The following BMPR1B variants were observed in gnomAD, a reference collection of about 807,000 sequenced individuals.
The protein encoded by BMPR1B is bone morphogenetic protein receptor type 1B.
A neutral mutation model predicts 59.1 loss-of-function variants in BMPR1B; 12 were observed. The observed-to-expected ratio is 0.20, with a 90% CI of 0.13 to 0.33. The LOEUF is 0.33. Ranked by LOEUF, BMPR1B falls within the 10% of genes least tolerant of loss-of-function variation. BMPR1B has a pLI of 1.00. For synonymous variants in BMPR1B, 237 were observed against 207.3 expected (o/e 1.14, Z -1.23); for missense variants, 550 against 610.9 (o/e 0.90, Z 1.05).
chr4:94,882,004 TA>T (rs1000398376), intron 2 of BMPR1B, among the ~76,000 whole-genome samples: 1 of 152,184 alleles, frequency 6.6e-6, no homozygotes, highest in African/African-American at 2.4e-5. Flanking sequence ...TTCTCATCTC[TA>T]AAAGATTGTG....
intron 4 of BMPR1B, among the ~76,000 whole-genome samples, chr4:95,112,803 A>T (rs1483231804): frequency 6.6e-6 from 1 of 152,078 alleles, no homozygotes; most frequent in African/African-American, 2.4e-5. Context: ...GTAACTTGAC[A>T]ATAGCTTTAC....
intron 3 of BMPR1B, among the ~76,000 whole-genome samples, chr4:95,065,142 A>G (rs7690400): frequency 0.29 from 43,482 of 152,124 alleles, 6,780 homozygotes; most frequent in South Asian, 0.4. Context: ...TTGTATATCT[A>G]TATAATAGAA....
chr4:95,142,582 C>T lies in BMPR1B; in HGVS notation c.1077-6166C>T, dbSNP rs189185731. 4.6e-3 allele frequency among the ~76,000 whole-genome samples: 697 copies of T among 152,106 alleles called. 2 individuals carry two copies. Among genetic ancestry groups the T allele is most frequent in the Non-Finnish European group, 8.1e-3 (553 of 68,012 alleles). ...GTTTTTTTACCTTCCTACTTCCTCT[C>T]TTTCCCTTTCCTCTCTTTCTTTTAG... On this transcript the variant is annotated intron_variant, in intron 10 of 12. Coordinates refer to ENST00000515059, the MANE Select transcript of BMPR1B (RefSeq NM_001203.3).
chr4:95,148,653 T>C (rs2149325626), intron 10 of BMPR1B, 95 bp from the exon 11 acceptor site: 1 of 1,314,406 alleles, frequency 7.6e-7, no homozygotes, highest in Non-Finnish European at 1.1e-6. Context: ...TCTTTTCCAC[T>C]TTTCACTAAC....
chr4:94,933,052 T>C (rs1729155566), intron 2 of BMPR1B, among the ~76,000 whole-genome samples: 1 of 152,132 alleles, frequency 6.6e-6, no homozygotes, highest in South Asian at 2.1e-4. Context: ...GCATCTGGTG[T>C]ATCTTTCTTT....
intron 3 of BMPR1B, among the ~76,000 whole-genome samples, chr4:95,004,402 T>C (rs1390777191): frequency 6.6e-6 from 1 of 152,196 alleles, no homozygotes; most frequent in Non-Finnish European, 1.5e-5. Flanking sequence ...AATTACACCT[T>C]ATAGTTGATA....
intron 3 of BMPR1B, chr4:95,051,859 C>G: frequency 7.4e-7 from 1 of 1,350,280 alleles, no homozygotes; most frequent in Non-Finnish European, 1.0e-6. Flanking sequence ...AGGGAAAGTT[C>G]AGGCCAGAAG....
At chr4:94,907,506 G>A (rs556940696) in intron 2 of BMPR1B, among the ~76,000 whole-genome samples, 1 of 151,988 alleles carries the variant, frequency 6.6e-6, no homozygotes, top group African/African-American at 2.4e-5. Flanking sequence ...GGTCCTTTCT[G>A]TCTGTCCAAA....
At chr4:95,116,421 G>GCGCGCGCGCGCGCGCGCGCGCA in intron 6 of BMPR1B, among the ~76,000 whole-genome samples, 1 of 123,198 alleles carries the variant, frequency 8.1e-6, no homozygotes. Flanking sequence ...TTCAGCGCGC[G>GCGCGCGCGCGCGCGCGCGCGCA]CACACACACA....
At chr4:95,081,957 TTTA>T (rs1033522255) in intron 3 of BMPR1B, among the ~76,000 whole-genome samples, 7 of 152,050 alleles carry the variant, frequency 4.6e-5, no homozygotes, top group Non-Finnish European at 8.8e-5. Context: ...ATATAATGGG[TTTA>T]TTATTTTTTA....
intron 2 of BMPR1B, among the ~76,000 whole-genome samples, chr4:94,908,756 G>T (rs10213566): frequency 0.12 from 18,738 of 151,972 alleles, 2,619 homozygotes; most frequent in African/African-American, 0.34. Context: ...AGCATTCACC[G>T]AAGTCAGATA....
At chr4:94,993,992 A>C (rs187967842) in intron 2 of BMPR1B, among the ~76,000 whole-genome samples, 1 of 152,254 alleles carries the variant, frequency 6.6e-6, no homozygotes, top group East Asian at 1.9e-4. Flanking sequence ...AAAATAGCTG[A>C]TGTGTTTTGT....
intron 10 of BMPR1B, among the ~76,000 whole-genome samples, chr4:95,136,133 G>T (rs1187078160): frequency 6.6e-6 from 1 of 152,058 alleles, no homozygotes; most frequent in African/African-American, 2.4e-5. Context: ...TGTGGTTTTT[G>T]TCTTTGCTAG....
At chr4:95,112,413 C>T (rs1342841104) in intron 4 of BMPR1B, among the ~76,000 whole-genome samples, 2 of 152,060 alleles carry the variant, frequency 1.3e-5, no homozygotes, top group African/African-American at 2.4e-5. Flanking sequence ...GCTTTGACTG[C>T]GGAACATAGC....
At chr4:95,113,063 AAAG>A (rs1232185868) in intron 4 of BMPR1B, among the ~76,000 whole-genome samples, 1 of 152,144 alleles carries the variant, frequency 6.6e-6, no homozygotes, top group East Asian at 1.9e-4. Flanking sequence ...ATATGAAGGA[AAAG>A]AATAAAAAAG....
intron 1 of BMPR1B, among the ~76,000 whole-genome samples, chr4:94,799,404 A>G (rs1365118801): frequency 1.3e-5 from 2 of 151,012 alleles, no homozygotes; most frequent in Non-Finnish European, 2.9e-5. Context: ...CCCGGGTTCA[A>G]GTGATTCCTC....
At chr4:95,012,253 T>C (rs904408591) in intron 3 of BMPR1B, among the ~76,000 whole-genome samples, 4 of 151,998 alleles carry the variant, frequency 2.6e-5, no homozygotes, top group African/African-American at 9.7e-5. Context: ...ATTTTTGCTC[T>C]TTTTTTTCTT....
intron 10 of BMPR1B, among the ~76,000 whole-genome samples, chr4:95,140,862 A>G (rs947920207): frequency 9.9e-5 from 15 of 152,190 alleles, no homozygotes; most frequent in African/African-American, 3.6e-4. Context: ...GTGAGTATCT[A>G]TTATATTATA....
chr4:95,038,386 C>G (rs1725415739), intron 3 of BMPR1B, among the ~76,000 whole-genome samples: 1 of 152,068 alleles, frequency 6.6e-6, no homozygotes, highest in African/African-American at 2.4e-5. Flanking sequence ...GTAGCCCAGC[C>G]TGAGTTTCGT....
Sources: gnomAD v4.1 joint callset for allele counts (sites outside exome capture counted in the v4.1 genomes callset) on GRCh38, gnomAD v4.1.1 for gene constraint, MANE v1.5 for transcripts, NCBI Gene and HGNC (gene_info 2026-07-23, HGNC 2026-07-21) for gene names.